Variants in PAK3 observed in about 807,000 individuals in gnomAD.
PAK3 encodes serine/threonine-protein kinase PAK 3.
In PAK3, 4 loss-of-function variants were observed where a neutral mutation model predicts 41.0. The ratio of observed to expected loss-of-function variants is 0.10; its 90% confidence interval spans 0.05 to 0.22. PAK3 has a LOEUF of 0.22. Ranked by LOEUF, PAK3 falls within the 10% of genes least tolerant of loss-of-function variation. The pLI is 1.00. For missense variants in PAK3, 205 were observed against 409.9 expected (o/e 0.50, Z 4.32); for synonymous variants, 146 against 139.6 (o/e 1.05, Z -0.32).
intron 3 of PAK3, chrX:111,098,827 A>G (rs2093061791): frequency 1.8e-5 from 2 of 111,207 alleles, no homozygotes; most frequent in Non-Finnish European, 3.8e-5. Flanking sequence ...CTGTGTGCGC[A>G]GGGAACTGTG....
chrX:111,034,590 C>T (rs1206657841), intron 1 of PAK3, among the ~76,000 whole-genome samples: 1 of 111,696 alleles, frequency 9.0e-6, no homozygotes, highest in Non-Finnish European at 1.9e-5. Flanking sequence ...CTTGCTGTCA[C>T]CAGTTATCTG....
chrX:111,085,625 G>T (rs1359566696), intron 1 of PAK3, among the ~76,000 whole-genome samples: 2 of 111,535 alleles, frequency 1.8e-5, no homozygotes, highest in Non-Finnish European at 3.8e-5. Flanking sequence ...AACCTTGTTG[G>T]GGGAAGGACT....
chrX:111,217,483 A>G, intron 17 of PAK3: 1 of 961,434 alleles, frequency 1.0e-6, no homozygotes, highest in Non-Finnish European at 1.3e-6. Context: ...CGCATTAACC[A>G]CAGATTGTCT....
At chrX:110,980,893 AG>A (rs746707332) in intron 1 of PAK3, among the ~76,000 whole-genome samples, 2 of 112,291 alleles carry the variant, frequency 1.8e-5, no homozygotes, top group Non-Finnish European at 3.8e-5. Flanking sequence ...CAGTCAAACA[AG>A]GTAGGTCAGA....
chrX:111,063,274 A>G (rs1289370802), intron 1 of PAK3, among the ~76,000 whole-genome samples: 4 of 112,351 alleles, frequency 3.6e-5, no homozygotes, highest in African/African-American at 1.3e-4. Context: ...AGAGAGGACA[A>G]AAATACTATC....
chrX:111,061,646 G>T (rs993593244), intron 1 of PAK3, among the ~76,000 whole-genome samples: 3 of 111,247 alleles, frequency 2.7e-5, no homozygotes, highest in Non-Finnish European at 5.7e-5. Context: ...GTACATTTTT[G>T]TAGTTTTCTC....
intron 1 of PAK3, among the ~76,000 whole-genome samples, chrX:111,040,490 A>T (rs1028972522): frequency 1.2e-4 from 13 of 112,050 alleles, no homozygotes; most frequent in Non-Finnish European, 2.3e-4. Flanking sequence ...ACCACTATTT[A>T]AAAAAGGAAA....
intron 1 of PAK3, among the ~76,000 whole-genome samples, chrX:110,981,211 C>G (rs956619269): frequency 5.4e-5 from 6 of 111,492 alleles, no homozygotes; most frequent in African/African-American, 2.0e-4. Context: ...TTAAAAATAT[C>G]AAGGTCATGA....
At chrX:111,153,101 G>C (rs1166796606) in intron 8 of PAK3, among the ~76,000 whole-genome samples, 1 of 111,682 alleles carries the variant, frequency 9.0e-6, no homozygotes, top group Non-Finnish European at 1.9e-5. Context: ...CATGTTAATA[G>C]AAATTTCTCT....
chrX:110,959,258 C>A (rs2090929274), intron 1 of PAK3, among the ~76,000 whole-genome samples: 1 of 111,754 alleles, frequency 8.9e-6, no homozygotes, highest in African/African-American at 3.3e-5. Context: ...GATTTCCTCC[C>A]AAAAGGGTCT....
chrX:110,979,938 C>T (rs1301103039), intron 1 of PAK3, among the ~76,000 whole-genome samples: 1 of 111,929 alleles, frequency 8.9e-6, no homozygotes, highest in Non-Finnish European at 1.9e-5. Flanking sequence ...TACTTCCAAG[C>T]TCATTCAGGT....
At chrX:111,047,783 T>C (rs2148783874) in intron 1 of PAK3, among the ~76,000 whole-genome samples, 1 of 111,711 alleles carries the variant, frequency 9.0e-6, no homozygotes, top group African/African-American at 3.2e-5. Flanking sequence ...TGGAAGTCAC[T>C]CTGACAGCAG....
chrX:111,058,146 A>G (rs1188296292), intron 1 of PAK3, among the ~76,000 whole-genome samples: 6 of 112,022 alleles, frequency 5.4e-5, no homozygotes, highest in Admixed American at 9.5e-5. Flanking sequence ...GAATATTCCT[A>G]TACAAGTTTT....
At chrX:111,136,234 G>A (rs770961916) in intron 5 of PAK3, among the ~76,000 whole-genome samples, 24 of 111,678 alleles carry the variant, frequency 2.1e-4, no homozygotes, top group African/African-American at 7.2e-4. Flanking sequence ...TGTGGTGATT[G>A]GAAAAGGAAG....
intron 1 of PAK3, among the ~76,000 whole-genome samples, chrX:111,065,253 T>C (rs1171976908): frequency 9.0e-6 from 1 of 111,425 alleles, no homozygotes; most frequent in African/African-American, 3.3e-5. Context: ...TTGTTGTGGG[T>C]TTTTATCATG....
intron 4 of PAK3, among the ~76,000 whole-genome samples, chrX:111,121,939 A>T (rs756989259): frequency 9.0e-6 from 1 of 111,145 alleles, no homozygotes; most frequent in Non-Finnish European, 1.9e-5. Context: ...ATATACTCAG[A>T]TGTAGACACA....
intron 15 of PAK3, 141 bp downstream of exon 15, chrX:111,196,082 C>T: frequency 3.9e-6 from 2 of 510,993 alleles, no homozygotes; most frequent in Non-Finnish European, 6.9e-6. Context: ...ATTTTTCTAA[C>T]ACTGTGTTCC....
At chrX:111,074,005 C>A (rs1267010598) in intron 1 of PAK3, among the ~76,000 whole-genome samples, 3 of 111,880 alleles carry the variant, frequency 2.7e-5, no homozygotes, top group Non-Finnish European at 5.6e-5. Flanking sequence ...AAATAACATT[C>A]TTTATGATCA....
At chrX:111,035,550 G>A (rs961500702) in intron 1 of PAK3, among the ~76,000 whole-genome samples, 2 of 112,065 alleles carry the variant, frequency 1.8e-5, no homozygotes, top group Non-Finnish European at 3.8e-5. Context: ...GGCAGAGGCT[G>A]TGGTCACGGC....
Sources: gnomAD v4.1 joint callset for allele counts (sites outside exome capture counted in the v4.1 genomes callset) on GRCh38, gnomAD v4.1.1 for gene constraint, MANE v1.5 for transcripts, NCBI Gene and HGNC (gene_info 2026-07-23, HGNC 2026-07-21) for gene names.